ZDHHC14: variants seen among roughly 807,000 people sequenced by gnomAD.
ZDHHC14 encodes the protein palmitoyltransferase ZDHHC14.
A neutral mutation model predicts 47.7 loss-of-function variants in ZDHHC14; 16 were observed. The observed-to-expected ratio is 0.34, with a 90% confidence interval of 0.23 to 0.51. The LOEUF (loss-of-function observed/expected upper bound fraction) is 0.51, where lower values mean the gene tolerates loss of function less well. Among genes scored for constraint, ZDHHC14 ranks in the 20% least tolerant of loss-of-function variants. ZDHHC14 has a pLI of 0.97. For synonymous variants in ZDHHC14, 293 were observed against 278.9 expected (o/e 1.05, Z -0.50); for missense variants, 515 against 662.5 (o/e 0.78, Z 2.44).
At chr6:157,599,384 C>T (rs9457914) in intron 3 of ZDHHC14, among the ~76,000 whole-genome samples, 150 of 152,290 alleles carry the variant, frequency 9.8e-4, no homozygotes, top group Middle Eastern at 3.4e-3. Flanking sequence ...CAGCTCTCGA[C>T]GAAACTCTGA....
At chr6:157,399,500 T>A (rs1211317505) in intron 1 of ZDHHC14, among the ~76,000 whole-genome samples, 2 of 152,238 alleles carry the variant, frequency 1.3e-5, no homozygotes, top group African/African-American at 2.4e-5. Context: ...GCCTTTTTGC[T>A]CATAACAGTC....
Position 157,672,855 on chromosome 6 carries a change from C to T in ZDHHC14, c.1200C>T (p.Pro400=). ...CCGGGAAGCCTGGCCTGGGCACGCC[C>T]TGCGCCAGCCTCACACTGGGCCCGC... ...HLPGKPGLGT[P]CASLTLGPPT... is the part of the protein sequence containing the mutation. The change falls in exon 9 of 9, where the codon CCC becomes CCT. Residue 400 remains proline, a synonymous_variant. Transcript: ENST00000359775. 1 of 1,609,732 alleles carries T rather than the reference C, an allele frequency of 6.2e-7. No homozygotes were observed. The highest frequency in any genetic ancestry group is 1.1e-5 in the South Asian group (1 of 90,746).
chr6:157,560,118 A>G (rs984525688), intron 2 of ZDHHC14, among the ~76,000 whole-genome samples: 2 of 152,174 alleles, frequency 1.3e-5, no homozygotes, highest in African/African-American at 4.8e-5. Context: ...CTCAGCTCTA[A>G]AGCCAATGGC....
At chr6:157,565,440 C>T (rs1380237453) in intron 2 of ZDHHC14, among the ~76,000 whole-genome samples, 2 of 152,098 alleles carry the variant, frequency 1.3e-5, no homozygotes, top group African/African-American at 2.4e-5. Flanking sequence ...TTATGGGGAA[C>T]ATAGGCAAGT....
At chr6:157,570,696 A>G (rs1562486197) in intron 2 of ZDHHC14, among the ~76,000 whole-genome samples, 1 of 152,106 alleles carries the variant, frequency 6.6e-6, no homozygotes, top group East Asian at 1.9e-4. Context: ...CAGCTACTAA[A>G]CACTTTCTTT....
chr6:157,590,681 C>T (rs1369275542), intron 2 of ZDHHC14, among the ~76,000 whole-genome samples: 1 of 152,170 alleles, frequency 6.6e-6, no homozygotes, highest in Non-Finnish European at 1.5e-5. Context: ...GGTCAGAGCC[C>T]CCACATAGAG....
At chr6:157,568,531 A>G (rs1359153562) in intron 2 of ZDHHC14, among the ~76,000 whole-genome samples, 1 of 152,064 alleles carries the variant, frequency 6.6e-6, no homozygotes, top group Non-Finnish European at 1.5e-5. Context: ...TCACATCATC[A>G]TTTGTTTAAT....
rs1301245027 is a variant in ZDHHC14 at position 157,677,897 on chromosome 6, A to C, written c.*4775A>C. 1 of 150,530 alleles carries C rather than the reference A, an allele frequency of 6.6e-6. No individual in the cohort carries two copies. The highest frequency in any genetic ancestry group is 1.5e-5 in the Non-Finnish European group (1 of 67,566). 9.3% of individuals were successfully genotyped at this position (150,530 alleles called of 1,614,324 possible). A position where few individuals can be genotyped will look rare whatever the true frequency, so the allele number is the denominator to read the frequency against. ...TGAAGCCTTGCTAACTTTTTCCCAG[A>C]GCATTCTGGGTTGATATTTCACAGT... On this transcript the variant is annotated 3_prime_UTR_variant, in exon 9 of 9. Transcript: ENST00000359775.
chr6:157,420,287 G>T (rs982569951), intron 1 of ZDHHC14, among the ~76,000 whole-genome samples: 1 of 151,528 alleles, frequency 6.6e-6, no homozygotes, highest in Non-Finnish European at 1.5e-5. Flanking sequence ...TGAAGGGGTG[G>T]GCTGAATCAA....
intron 3 of ZDHHC14, among the ~76,000 whole-genome samples, chr6:157,597,786 C>G (rs1183411494): frequency 6.6e-6 from 1 of 152,254 alleles, no homozygotes. Flanking sequence ...GGGCACCGAG[C>G]AGACCAGCCT....
intron 1 of ZDHHC14, among the ~76,000 whole-genome samples, chr6:157,541,992 G>A (rs1039709417): frequency 1.5e-4 from 23 of 152,278 alleles, no homozygotes; most frequent in African/African-American, 5.1e-4. Context: ...ATCTTCTTCC[G>A]AAACCTGCCT....
chr6:157,578,840 G>A (rs1392629725), intron 2 of ZDHHC14, among the ~76,000 whole-genome samples: 1 of 152,284 alleles, frequency 6.6e-6, no homozygotes, highest in East Asian at 1.9e-4. Flanking sequence ...CAGTCATGTG[G>A]AACTGTGAGT....
chr6:157,574,911 C>T (rs574611194), intron 2 of ZDHHC14, among the ~76,000 whole-genome samples: 11 of 152,298 alleles, frequency 7.2e-5, no homozygotes, highest in African/African-American at 2.4e-4. Flanking sequence ...CCTTCTTGGC[C>T]TCTGTATTAT....
intron 1 of ZDHHC14, among the ~76,000 whole-genome samples, chr6:157,446,805 A>G (rs189531964): frequency 8.5e-4 from 129 of 152,338 alleles, no homozygotes; most frequent in African/African-American, 3.0e-3. Flanking sequence ...ATGTATGTAC[A>G]GTATATACAC....
chr6:157,491,233 C>T (rs767902225), intron 1 of ZDHHC14, among the ~76,000 whole-genome samples: 3 of 152,200 alleles, frequency 2.0e-5, no homozygotes, highest in Non-Finnish European at 2.9e-5. Context: ...GAGGTATGTT[C>T]GGCTGGTCTG....
intron 3 of ZDHHC14, among the ~76,000 whole-genome samples, chr6:157,597,857 G>A (rs1043875241): frequency 6.6e-6 from 1 of 152,228 alleles, no homozygotes; most frequent in African/African-American, 2.4e-5. Flanking sequence ...TTTGGTGTGG[G>A]TGCCACAAAG....
chr6:157,535,476 A>G (rs9457715), intron 1 of ZDHHC14, among the ~76,000 whole-genome samples: 91,630 of 152,096 alleles, frequency 0.6, 28,999 homozygotes, highest in African/African-American at 0.81. Flanking sequence ...GAAACTGAAC[A>G]TCAAGTTTGT....
At chr6:157,608,604 A>G (rs556349575) in intron 3 of ZDHHC14, among the ~76,000 whole-genome samples, 9 of 152,196 alleles carry the variant, frequency 5.9e-5, no homozygotes, top group Non-Finnish European at 8.8e-5. Context: ...CCGAGGGACC[A>G]GAGGTGTGGC....
intron 5 of ZDHHC14, among the ~76,000 whole-genome samples, chr6:157,640,002 T>G (rs1486186206): frequency 2.0e-5 from 3 of 152,168 alleles, no homozygotes; most frequent in Admixed American, 2.0e-4. Flanking sequence ...CGCAGCCTCA[T>G]AGGAAATGTT....
Sources: gnomAD v4.1 joint callset for allele counts (sites outside exome capture counted in the v4.1 genomes callset) on GRCh38, gnomAD v4.1.1 for gene constraint, MANE v1.5 for transcripts, NCBI Gene and HGNC (gene_info 2026-07-23, HGNC 2026-07-21) for gene names.